Variants in SPAG16 observed in about 807,000 individuals in gnomAD.
SPAG16 encodes the protein sperm associated antigen 16.
Under a neutral mutation model 80.4 loss-of-function variants are expected in SPAG16, and 86 were observed. The observed-to-expected ratio is 1.07, with a 90% CI of 0.90 to 1.28. The LOEUF (loss-of-function observed/expected upper bound fraction) is 1.28. SPAG16 is among the 50% of genes most tolerant of loss of function. The pLI is 0.00. For synonymous variants in SPAG16, 294 were observed against 265.9 expected (o/e 1.11, Z -1.03); for missense variants, 870 against 765.3 (o/e 1.14, Z -1.61).
chr2:213,398,166 CTGTT>C (rs1226931992), intron 9 of SPAG16, among the ~76,000 whole-genome samples: 1 of 146,788 alleles, frequency 6.8e-6, no homozygotes, highest in East Asian at 1.9e-4. Context: ...CTTTTGCTCT[CTGTT>C]TTTTTTTTTT....
At chr2:214,266,788 A>G (rs1185428275) in intron 15 of SPAG16, among the ~76,000 whole-genome samples, 2 of 151,590 alleles carry the variant, frequency 1.3e-5, no homozygotes, top group African/African-American at 2.4e-5. Context: ...GTTTCTATAC[A>G]CTAACAACAG....
intron 15 of SPAG16, among the ~76,000 whole-genome samples, chr2:214,353,177 CTG>C (rs956391988): frequency 6.6e-6 from 1 of 151,930 alleles, no homozygotes; most frequent in Non-Finnish European, 1.5e-5. Flanking sequence ...TCACAAAAAT[CTG>C]TGGAAAAAAT....
chr2:214,244,979 C>T (rs1374203260), intron 15 of SPAG16, among the ~76,000 whole-genome samples: 2 of 152,012 alleles, frequency 1.3e-5, no homozygotes, highest in African/African-American at 2.4e-5. Flanking sequence ...ACTACATTTC[C>T]AAACCTTTTA....
chr2:213,404,945 A>T (rs1321749613), intron 9 of SPAG16, among the ~76,000 whole-genome samples: 1 of 152,126 alleles, frequency 6.6e-6, no homozygotes, highest in Admixed American at 6.6e-5. Flanking sequence ...CTTATGGCTG[A>T]CCTAAAGCTT....
chr2:214,213,025 G>A (rs1429085844), intron 15 of SPAG16, among the ~76,000 whole-genome samples: 2 of 152,184 alleles, frequency 1.3e-5, no homozygotes, highest in Non-Finnish European at 2.9e-5. Context: ...TTTGTTCTTT[G>A]TGTGTTGTGT....
Position 213,395,161 on chromosome 2 carries a change from CT to C in SPAG16, c.942+20049del, listed in dbSNP as rs749920834. Among the ~76,000 whole-genome samples, 7 of 152,088 alleles carry C rather than the reference CT, an allele frequency of 4.6e-5. No homozygotes were observed. The South Asian group carries it at 1.2e-3, about 27-fold the overall frequency. ...TATAGCAATTTATCAGTTTTATGGA[CT>C]TTTTTTCAAACAACCAGCTTTTTTG... On this transcript the variant is annotated intron_variant, in intron 9 of 15. Transcript: ENST00000331683.
At chr2:213,903,962 G>A (rs951753240) in intron 11 of SPAG16, among the ~76,000 whole-genome samples, 2 of 152,112 alleles carry the variant, frequency 1.3e-5, no homozygotes, top group South Asian at 4.1e-4. Flanking sequence ...CATAACAAGA[G>A]TCACCTTTGT....
intron 10 of SPAG16, among the ~76,000 whole-genome samples, chr2:213,846,142 T>G (rs961511953): frequency 6.6e-6 from 1 of 152,196 alleles, no homozygotes; most frequent in African/African-American, 2.4e-5. Context: ...TTTAAACTAC[T>G]GTGATTTTTA....
chr2:213,537,462 A>G (rs543474193), intron 10 of SPAG16, among the ~76,000 whole-genome samples: 1 of 152,112 alleles, frequency 6.6e-6, no homozygotes, highest in African/African-American at 2.4e-5. Context: ...TATTAAAATG[A>G]TCACATTTTT....
chr2:214,103,672 C>G (rs2053210125), intron 13 of SPAG16, among the ~76,000 whole-genome samples: 1 of 152,098 alleles, frequency 6.6e-6, no homozygotes, highest in African/African-American at 2.4e-5. Context: ...GCTGTATGTT[C>G]TTGTATCTAA....
chr2:213,747,891 A>G (rs2067903124), intron 10 of SPAG16, among the ~76,000 whole-genome samples: 1 of 152,242 alleles, frequency 6.6e-6, no homozygotes. Context: ...AAATCTTGCC[A>G]CAATAAAACA....
intron 9 of SPAG16, chr2:213,396,727 C>A: frequency 2.3e-6 from 1 of 442,832 alleles, no homozygotes. Flanking sequence ...TCAGCAGGAG[C>A]CAAATGGGAA....
intron 10 of SPAG16, among the ~76,000 whole-genome samples, chr2:213,510,653 G>A (rs1298907142): frequency 6.6e-6 from 1 of 152,126 alleles, no homozygotes; most frequent in Non-Finnish European, 1.5e-5. Context: ...ACTATCACTT[G>A]TTGACTGTGC....
intron 4 of SPAG16, among the ~76,000 whole-genome samples, chr2:213,310,911 A>G (rs760351475): frequency 4.2e-4 from 64 of 151,950 alleles, no homozygotes; most frequent in Non-Finnish European, 8.7e-4. Flanking sequence ...GGGGATTAAT[A>G]TGATACCTAA....
chr2:213,854,441 A>G (rs2075058957), intron 10 of SPAG16, among the ~76,000 whole-genome samples: 1 of 152,166 alleles, frequency 6.6e-6, no homozygotes, highest in Admixed American at 6.6e-5. Flanking sequence ...ATGGATCAGT[A>G]TTTTTACCCT....
intron 10 of SPAG16, among the ~76,000 whole-genome samples, chr2:213,636,697 TTTTG>T (rs2062376943): frequency 6.6e-6 from 1 of 152,298 alleles, no homozygotes; most frequent in Middle Eastern, 3.4e-3. Flanking sequence ...TTCCTAAGCT[TTTTG>T]TTTGTTTTGC....
At chr2:214,025,098 A>T (rs1475147136) in intron 13 of SPAG16, among the ~76,000 whole-genome samples, 1 of 151,652 alleles carries the variant, frequency 6.6e-6, no homozygotes, top group Non-Finnish European at 1.5e-5. Context: ...TCACAGTATT[A>T]GCACTGGGAG....
At chr2:213,479,380 G>A (rs577820327) in intron 9 of SPAG16, among the ~76,000 whole-genome samples, 219 of 151,868 alleles carry the variant, frequency 1.4e-3, no homozygotes, top group Non-Finnish European at 2.7e-3. Context: ...AACATTTTAT[G>A]TGATATACTT....
chr2:213,839,133 T>G (rs1388081444), intron 10 of SPAG16, among the ~76,000 whole-genome samples: 3 of 152,228 alleles, frequency 2.0e-5, no homozygotes, highest in East Asian at 1.9e-4. Flanking sequence ...ATGATTTCTG[T>G]AAGATGGATT....
Sources: gnomAD v4.1 joint callset for allele counts (sites outside exome capture counted in the v4.1 genomes callset) on GRCh38, gnomAD v4.1.1 for gene constraint, MANE v1.5 for transcripts, NCBI Gene and HGNC (gene_info 2026-07-23, HGNC 2026-07-21) for gene names.